LGSN: variants seen among roughly 807,000 people sequenced by gnomAD.
LGSN encodes lengsin, lens protein with glutamine synthetase domain, also known as lengsin.
A neutral mutation model predicts 19.5 loss-of-function variants in LGSN; 21 were observed. The observed-to-expected ratio is 1.07, with a 90% CI of 0.76 to 1.55. The LOEUF is 1.55. Ranked by LOEUF, LGSN falls within the 40% of genes most tolerant of loss-of-function variation. The pLI, the probability that LGSN is intolerant of heterozygous loss-of-function variation, is 0.00. For missense variants in LGSN, 673 were observed against 608.5 expected, an observed-to-expected ratio of 1.11 and a Z score of -1.12; for synonymous variants, 257 against 215.6, an observed-to-expected ratio of 1.19 and a Z score of -1.68.
At chr6:63,431,696 T>A in the LGSN span, among the ~76,000 whole-genome samples, 36 of 151,494 alleles carry the variant, frequency 2.4e-4, no homozygotes, top group East Asian at 5.0e-3. Flanking sequence ...AAATGTAACA[T>A]CTTACATTCC....
At chr6:63,412,737 A>AGG in the LGSN span, among the ~76,000 whole-genome samples, 29 of 65,812 alleles carry the variant, frequency 4.4e-4, no homozygotes, top group African/African-American at 2.7e-3. Context: ...GAAAGAAAGA[A>AGG]AGAAAGAAAG....
intron 1 of LGSN, among the ~76,000 whole-genome samples, chr6:63,301,469 G>T: frequency 6.6e-6 from 1 of 151,896 alleles, no homozygotes; most frequent in Non-Finnish European, 1.5e-5. Flanking sequence ...AAATTAAATG[G>T]ATATTCAAGG....
chr6:63,455,445 T>C, the LGSN span, among the ~76,000 whole-genome samples: 1 of 152,194 alleles, frequency 6.6e-6, no homozygotes, highest in African/African-American at 2.4e-5. Context: ...AATCCCCTCT[T>C]CTTTTTTCAT....
chr6:63,425,957 G>A, the LGSN span, among the ~76,000 whole-genome samples: 5 of 152,086 alleles, frequency 3.3e-5, no homozygotes, highest in Non-Finnish European at 5.9e-5. Context: ...GAGGAAACTC[G>A]GTAAAGGGTA....
the LGSN span, among the ~76,000 whole-genome samples, chr6:63,356,412 C>T: frequency 3.3e-5 from 5 of 151,784 alleles, no homozygotes; most frequent in Non-Finnish European, 5.9e-5. Flanking sequence ...TGTGGTGGCT[C>T]GTGCCTGTGA....
the LGSN span, among the ~76,000 whole-genome samples, chr6:63,358,817 C>T: frequency 6.6e-6 from 1 of 151,860 alleles, no homozygotes; most frequent in Admixed American, 6.6e-5. Flanking sequence ...TATTGAATAC[C>T]CTTTATTTTT....
At chr6:63,529,541 C>T in the LGSN span, among the ~76,000 whole-genome samples, 2 of 152,132 alleles carry the variant, frequency 1.3e-5, no homozygotes, top group African/African-American at 4.8e-5. Flanking sequence ...CTACCTCTCT[C>T]GCTTTTAATT....
At chr6:63,322,909 G>T (rs1389739532), upstream of LGSN, among the ~76,000 whole-genome samples, 1 of 152,144 alleles carries the variant, frequency 6.6e-6, no homozygotes, top group Non-Finnish European at 1.5e-5. Flanking sequence ...TTTCAGAAAG[G>T]GAATTTCTCC....
the LGSN span, among the ~76,000 whole-genome samples, chr6:63,502,988 C>A: frequency 6.6e-6 from 1 of 152,036 alleles, no homozygotes; most frequent in South Asian, 2.1e-4. Flanking sequence ...TTTTAAATAC[C>A]TATCACCTAA....
At chr6:63,301,540 T>C (rs1768186266) in intron 1 of LGSN, among the ~76,000 whole-genome samples, 1 of 152,152 alleles carries the variant, frequency 6.6e-6, no homozygotes, top group Admixed American at 6.5e-5. Context: ...ATCTTGTGTG[T>C]TCAAAAGCTG....
chr6:63,559,909 G>T, the LGSN span, among the ~76,000 whole-genome samples: 1 of 152,080 alleles, frequency 6.6e-6, no homozygotes, highest in Admixed American at 6.6e-5. Context: ...TTACAGGGGT[G>T]ATCCACCGTG....
At chr6:63,439,153 A>G in the LGSN span, among the ~76,000 whole-genome samples, 19 of 152,082 alleles carry the variant, frequency 1.2e-4, no homozygotes, top group Admixed American at 8.5e-4. Context: ...GAATTGAACA[A>G]TGAGAACACA....
At chr6:63,562,292 C>T in the LGSN span, among the ~76,000 whole-genome samples, 14 of 151,634 alleles carry the variant, frequency 9.2e-5, no homozygotes, top group African/African-American at 2.7e-4. Flanking sequence ...CTTCGCCTCC[C>T]GGGTTCAAGT....
chr6:63,317,407 G>A (rs1450306680), intron 1 of LGSN, among the ~76,000 whole-genome samples: 5 of 152,154 alleles, frequency 3.3e-5, no homozygotes, highest in Non-Finnish European at 7.4e-5. Flanking sequence ...CTCATTTCAG[G>A]AAGTGCGAGC....
chr6:63,485,066 T>C, the LGSN span, among the ~76,000 whole-genome samples: 4 of 151,536 alleles, frequency 2.6e-5, no homozygotes, highest in South Asian at 2.1e-4. Flanking sequence ...AAGTTCAGGG[T>C]TACATGCAGG....
the LGSN span, among the ~76,000 whole-genome samples, chr6:63,458,356 C>T: frequency 2.0e-5 from 3 of 152,172 alleles, no homozygotes; most frequent in African/African-American, 4.8e-5. Context: ...CATAAGCCAT[C>T]GGGCCCGGCT....
the LGSN span, among the ~76,000 whole-genome samples, chr6:63,348,765 T>C: frequency 3.3e-5 from 5 of 151,454 alleles, no homozygotes; most frequent in African/African-American, 1.2e-4. Flanking sequence ...TTTTTTGCTT[T>C]TTTAAAATAG....
At chr6:63,544,309 C>T in the LGSN span, among the ~76,000 whole-genome samples, 1 of 152,222 alleles carries the variant, frequency 6.6e-6, no homozygotes, top group Non-Finnish European at 1.5e-5. Context: ...CATGTTTCAT[C>T]ATCCTCTCTC....
the LGSN span, among the ~76,000 whole-genome samples, chr6:63,486,394 G>C: frequency 8.5e-5 from 13 of 152,260 alleles, no homozygotes; most frequent in African/African-American, 3.1e-4. Flanking sequence ...ACAGCTGCTA[G>C]GTCAGTTTGC....
Sources: gnomAD v4.1 joint callset for allele counts (sites outside exome capture counted in the v4.1 genomes callset) on GRCh38, gnomAD v4.1.1 for gene constraint, MANE v1.5 for transcripts, NCBI Gene and HGNC (gene_info 2026-07-23, HGNC 2026-07-21) for gene names.